The following ABR variants were observed in gnomAD, a reference collection of about 807,000 sequenced individuals.
ABR encodes ABR activator of RhoGEF and GTPase.
A neutral mutation model predicts 107.2 loss-of-function variants in ABR; 35 were observed. The observed-to-expected ratio is 0.33, with a 90% CI of 0.25 to 0.43. The LOEUF (loss-of-function observed/expected upper bound fraction) is 0.43. Among genes scored for constraint, ABR ranks in the 20% least tolerant of loss-of-function variants. The pLI is 1.00. For missense variants in ABR, 815 were observed against 1,115.2 expected, an observed-to-expected ratio of 0.73 and a Z score of 3.83; for synonymous variants, 498 against 462.0, an observed-to-expected ratio of 1.08 and a Z score of -1.00.
intron 1 of ABR, among the ~76,000 whole-genome samples, chr17:1,199,489 T>C (rs2042632714): frequency 1.1e-5 from 1 of 94,076 alleles, no homozygotes; most frequent in Non-Finnish European, 2.6e-5. Flanking sequence ...GCTGGTGGGA[T>C]ATTTTTGGGG....
chr17:1,215,580 G>A (rs1056153840), intron 1 of ABR, among the ~76,000 whole-genome samples: 7 of 152,178 alleles, frequency 4.6e-5, no homozygotes, highest in African/African-American at 9.6e-5. Context: ...GCGTGATCTC[G>A]GCTCACTATA....
Position 1,050,440 on chromosome 17 carries a change from A to G in ABR, c.1659+97T>C. The G allele has an allele frequency of 8.3e-7, 1 of 1,201,480 alleles. No individual in the cohort carries two copies. The highest frequency in any genetic ancestry group is 1.2e-6 in the Non-Finnish European group (1 of 809,736). 74.4% of individuals were successfully genotyped at this position (1,201,480 alleles called of 1,614,324 possible). ...AGGGAGCAGAAAGGGGGGTGCAGAC[A>G]TAGCTGGTCCAACCAATGGGCTGGC... On this transcript the variant is annotated intron_variant, in intron 15 of 22. Transcript: ENST00000302538. The surrounding 1 kb of genome is among the most constrained non-coding windows in gnomAD (Gnocchi z 4.6).
intron 1 of ABR, among the ~76,000 whole-genome samples, chr17:1,159,696 C>A (rs72631497): frequency 1.5e-5 from 1 of 68,530 alleles, no homozygotes; most frequent in South Asian, 4.7e-4. Context: ...ACAGGAGAAG[C>A]AGGAATGCGG....
rs535688391 is a variant in ABR at position 1,045,717 on chromosome 17, G to A, written c.1791+4333C>T. On this transcript the variant is annotated intron_variant, in intron 16 of 22. Transcript: ENST00000302538. ...GTCCTGGGCTCGCTTATGTGTGTAC[G>A]GCTATTGTGGCTGACATCTAGCATT... is the stretch of plus-strand genomic sequence containing the variant. Among the ~76,000 whole-genome samples the A allele has an allele frequency of 7.2e-5, 11 of 152,322 alleles. No individual in the cohort carries two copies. The East Asian group carries it at 7.7e-4, about 11-fold the overall frequency.
chr17:1,170,587 C>A (rs956097167), intron 1 of ABR, among the ~76,000 whole-genome samples: 5 of 152,080 alleles, frequency 3.3e-5, no homozygotes, highest in Non-Finnish European at 5.9e-5. Context: ...TAGGTGCCTG[C>A]CACCATGCCT....
chr17:1,096,646 C>A (rs983694968), intron 3 of ABR, among the ~76,000 whole-genome samples: 17 of 152,150 alleles, frequency 1.1e-4, no homozygotes, highest in African/African-American at 3.4e-4. Flanking sequence ...CAAGAAAGAG[C>A]CAAGCAGGGG....
intron 1 of ABR, among the ~76,000 whole-genome samples, chr17:1,212,492 C>A (rs777371153): frequency 2.7e-4 from 41 of 152,066 alleles, no homozygotes; most frequent in Non-Finnish European, 4.3e-4. Flanking sequence ...CAGTGGTTCA[C>A]ACCTGTAATC....
At chr17:1,021,761 GA>G (rs1292104659) in intron 16 of ABR, among the ~76,000 whole-genome samples, 1 of 150,114 alleles carries the variant, frequency 6.7e-6, no homozygotes, top group Non-Finnish European at 1.5e-5. Flanking sequence ...CCGGAGTTGA[GA>G]TTGTGCCACT....
rs1205497036 is a variant in ABR at position 1,104,279 on chromosome 17, C to T, written c.247-3544G>A. Among the ~76,000 whole-genome samples, 3 of 152,214 alleles carry T rather than the reference C, an allele frequency of 2.0e-5. No homozygotes were observed. In the East Asian group the frequency reaches 5.8e-4, roughly 29 times the overall value. On this transcript the variant is annotated intron_variant, in intron 2 of 22. Transcript: ENST00000302538. ...CTTGAAGCCGCCAAACCAAAGACGT[C>T]AGGTCACTCTGGTAGGAACAATGTC...
intron 1 of ABR, among the ~76,000 whole-genome samples, chr17:1,203,868 G>A (rs1372368216): frequency 1.3e-5 from 2 of 152,188 alleles, no homozygotes; most frequent in African/African-American, 4.8e-5. Context: ...CGTTCCGGTG[G>A]CGCCGCCTGA....
chr17:1,170,146 C>T (rs934405316), intron 1 of ABR, among the ~76,000 whole-genome samples: 21 of 152,274 alleles, frequency 1.4e-4, no homozygotes, highest in African/African-American at 4.8e-4. Context: ...AGAGGCAGCC[C>T]AGTTGGTGGA....
At chr17:1,049,194 T>G (rs1336669724) in intron 16 of ABR, among the ~76,000 whole-genome samples, 3 of 152,178 alleles carry the variant, frequency 2.0e-5, no homozygotes, top group Non-Finnish European at 4.4e-5. Context: ...TATTTTTATT[T>G]TTTTGGAGAC....
At chr17:1,214,790 A>C (rs766019590) in intron 1 of ABR, among the ~76,000 whole-genome samples, 35 of 125,192 alleles carry the variant, frequency 2.8e-4, no homozygotes, top group Non-Finnish European at 5.7e-4. Flanking sequence ...AACAAGAGCG[A>C]AACTCCACCT....
chr17:1,058,680 CCA>C, intron 11 of ABR, 63 bp downstream of exon 11: 2 of 1,579,978 alleles, frequency 1.3e-6, no homozygotes, highest in African/African-American at 1.3e-5. Context: ...GGGCCAGGAG[CCA>C]CAGAGTGGGC....
chr17:1,059,518 T>G (rs1471810948), intron 10 of ABR, among the ~76,000 whole-genome samples: 2 of 152,012 alleles, frequency 1.3e-5, no homozygotes, highest in Non-Finnish European at 2.9e-5. Context: ...TCAGACACCT[T>G]TCAGCCTGAA....
chr17:1,011,778 C>A lies in ABR; in HGVS notation c.2101+68G>T. On this transcript the variant is annotated intron_variant, in intron 19 of 22. Coordinates refer to ENST00000302538, the MANE Select transcript of ABR (RefSeq NM_021962.5). The surrounding 1 kb of genome is among the most constrained non-coding windows in gnomAD (Gnocchi z 4.8). Reference sequence around the variant, plus strand: ...GGGAGGCTCCTGGTTCCCCCGAGCTCTCCTGTCCATCCCACCAGCCTGCTC... The same window carrying A: ...GGGAGGCTCCTGGTTCCCCCGAGCTATCCTGTCCATCCCACCAGCCTGCTC... The A allele has an allele frequency of 6.6e-7, 1 of 1,508,180 alleles. No individual in the cohort carries two copies. Among genetic ancestry groups the A allele is most frequent in the South Asian group, 1.3e-5 (1 of 76,058 alleles). The allele number at this position is 1,508,180 out of a possible 1,614,324, so 93.4% of individuals were successfully genotyped here.
At chr17:1,167,889 A>C (rs955376531) in intron 1 of ABR, among the ~76,000 whole-genome samples, 1 of 152,238 alleles carries the variant, frequency 6.6e-6, no homozygotes, top group South Asian at 2.1e-4. Flanking sequence ...CGGGTCGCTC[A>C]CGCCTGTAAT....
At chr17:1,135,218 G>A (rs1252314371) in intron 1 of ABR, among the ~76,000 whole-genome samples, 1 of 152,170 alleles carries the variant, frequency 6.6e-6, no homozygotes, top group Non-Finnish European at 1.5e-5. Flanking sequence ...TGCTGGAGAG[G>A]AGGCAGGGAC....
At chr17:1,171,467 A>C (rs756322342) in intron 1 of ABR, among the ~76,000 whole-genome samples, 1 of 152,140 alleles carries the variant, frequency 6.6e-6, no homozygotes, top group Non-Finnish European at 1.5e-5. Flanking sequence ...AGCTGCCCGG[A>C]GTGACAAGGA....
Sources: allele counts gnomAD v4.1 joint callset (sites outside exome capture counted in the v4.1 genomes callset), GRCh38; gene constraint gnomAD v4.1.1; non-coding constraint Gnocchi (gnomAD v3.1); transcripts MANE v1.5; gene names NCBI Gene and HGNC (gene_info 2026-07-23, HGNC 2026-07-21).